The following SENP1 variants were observed in gnomAD, a reference collection of about 807,000 sequenced individuals.
SENP1 encodes the protein sentrin-specific protease 1.
In SENP1, 21 loss-of-function variants were observed where a neutral mutation model predicts 93.0. The ratio of observed to expected loss-of-function variants is 0.23; its 90% CI spans 0.16 to 0.33. The LOEUF (loss-of-function observed/expected upper bound fraction) is 0.33. SENP1 is among the 10% of genes least tolerant of loss of function. SENP1 has a pLI of 1.00. For missense variants in SENP1, 591 were observed against 758.7 expected, an observed-to-expected ratio of 0.78 and a Z score of 2.60; for synonymous variants, 256 against 259.6, an observed-to-expected ratio of 0.99 and a Z score of 0.13.
chr12:48,056,231 T>C (rs1189792222), intron 13 of SENP1, among the ~76,000 whole-genome samples: 1 of 117,370 alleles, frequency 8.5e-6, no homozygotes, highest in African/African-American at 3.5e-5. Flanking sequence ...AAATGTAGTA[T>C]ATATTTTACA....
rs776580997 is a variant in SENP1, at chr12:48,047,981, G to A, written c.1691+20C>T. ...CCTATACCCGATATCAAACTCTTCT[G>A]TCCTCAACTCCCTACTTACAAGAGT... On this transcript the variant is annotated intron_variant, in intron 15 of 17. Coordinates refer to ENST00000549518, the MANE Select transcript of SENP1 (RefSeq NM_001267594.2). 4 of 1,543,864 alleles carry A rather than the reference G, an allele frequency of 2.6e-6. No homozygotes were observed. In the Admixed American group the frequency reaches 6.7e-5, roughly 26 times the overall value.
chr12:48,077,743 C>T (rs1944202037), intron 6 of SENP1, among the ~76,000 whole-genome samples: 1 of 152,082 alleles, frequency 6.6e-6, no homozygotes, highest in Admixed American at 6.5e-5. Flanking sequence ...TCCCCCCACC[C>T]CACGACAGGC....
chr12:48,046,491 C>T lies in SENP1; in HGVS notation c.1777-40G>A, dbSNP rs757877331. On this transcript the variant is annotated intron_variant, in intron 16 of 17. Transcript: ENST00000549518. The stretch of plus-strand genomic sequence containing the variant: ...ACAAAAAAAATGACATCTTTCCAAG[C>T]TTCTTTCCTTCTTAGATTAAAAATA... 4.6e-6 allele frequency: 6 copies of T among 1,295,484 alleles called. No individual in the cohort carries two copies. In the Admixed American group the frequency reaches 6.8e-5, roughly 15 times the overall value. 80.2% of individuals were successfully genotyped at this position (1,295,484 alleles called of 1,614,324 possible). A position where few individuals can be genotyped will look rare whatever the true frequency, so the allele number is the denominator to read the frequency against.
At chr12:48,065,360 G>C in intron 11 of SENP1, 140 bp from the exon 12 acceptor site, 1 of 734,632 alleles carries the variant, frequency 1.4e-6, no homozygotes, top group Non-Finnish European at 2.2e-6. Context: ...TTTTTGTAAA[G>C]TCAAAAAATC....
chr12:48,091,212 G>A (rs1402614601), intron 4 of SENP1, among the ~76,000 whole-genome samples: 1 of 152,162 alleles, frequency 6.6e-6, no homozygotes, highest in Non-Finnish European at 1.5e-5. Flanking sequence ...CACTTTGGGA[G>A]GCGGAGGCAG....
chr12:48,063,756 C>A lies in SENP1; in HGVS notation c.1361G>T (p.Arg454Leu). The A allele has an allele frequency of 1.9e-6, 3 of 1,613,178 alleles. No individual in the cohort carries two copies. The highest frequency in any genetic ancestry group is 2.2e-5 in the East Asian group (1 of 44,846). The change falls in exon 13 of 18, where the codon CGC becomes CTC. Residue 454 changes from arginine to leucine, a missense_variant. By Grantham distance (102) the Arg-to-Leu change is moderately radical. Coordinates refer to ENST00000549518, the MANE Select transcript of SENP1 (RefSeq NM_001267594.2). The stretch of plus-strand genomic sequence containing the variant: ...ATGGTTTAGAGTTTGAATATCTTTG[C>A]GTGTAATGGTCAGGCGAAATGCTTC... ...LSEAFRLTIT[R>L]KDIQTLNHLN...
chr12:48,100,867 T>C (rs1224794952), intron 2 of SENP1, among the ~76,000 whole-genome samples: 1 of 152,216 alleles, frequency 6.6e-6, no homozygotes, highest in East Asian at 1.9e-4. Context: ...TGAACCAATA[T>C]ATTTTAAATA....
chr12:48,099,993 C>T (rs568446940), intron 2 of SENP1, among the ~76,000 whole-genome samples: 4 of 152,202 alleles, frequency 2.6e-5, no homozygotes, highest in African/African-American at 9.6e-5. Flanking sequence ...AATTCAACGA[C>T]TTACACTGCT....
chr12:48,082,540 G>A (rs754609288), intron 6 of SENP1, among the ~76,000 whole-genome samples: 6 of 151,356 alleles, frequency 4.0e-5, no homozygotes, highest in Non-Finnish European at 5.9e-5. Context: ...AATAATACAC[G>A]TGGAAAGTAC....
At chr12:48,065,711 T>C in intron 10 of SENP1, 31 bp from the exon 11 acceptor site, 1 of 1,324,498 alleles carries the variant, frequency 7.6e-7, no homozygotes, top group Non-Finnish European at 1.1e-6. Flanking sequence ...TGACCAAATG[T>C]AGACCACTCT....
At chr12:48,080,018 T>G (rs917529907) in intron 6 of SENP1, 2 of 152,222 alleles carry the variant, frequency 1.3e-5, no homozygotes, top group African/African-American at 4.8e-5. Context: ...CTCAATAATT[T>G]GCAAAGAAGC....
intron 5 of SENP1, among the ~76,000 whole-genome samples, chr12:48,086,733 G>T (rs867601001): frequency 1.3e-5 from 2 of 152,094 alleles, no homozygotes; most frequent in African/African-American, 4.8e-5. Context: ...GAAAAGTCAT[G>T]TCATTTAAAA....
At chr12:48,059,346 G>A (rs905193207) in intron 13 of SENP1, among the ~76,000 whole-genome samples, 2 of 151,658 alleles carry the variant, frequency 1.3e-5, no homozygotes, top group South Asian at 2.1e-4. Context: ...TCAAGTTTAC[G>A]AATTTTTTCT....
chr12:48,087,895 T>C (rs1318250890), intron 5 of SENP1, among the ~76,000 whole-genome samples: 2 of 152,174 alleles, frequency 1.3e-5, no homozygotes, highest in African/African-American at 4.8e-5. Flanking sequence ...AATACTATTT[T>C]AAAAAAGAAA....
intron 9 of SENP1, among the ~76,000 whole-genome samples, chr12:48,070,776 T>C (rs540330745): frequency 1.1e-4 from 16 of 152,282 alleles, no homozygotes; most frequent in South Asian, 2.1e-4. Context: ...ATCACTCTGA[T>C]TGCAGCATGG....
chr12:48,046,488 A>G, intron 16 of SENP1, 37 bp from the exon 17 acceptor site: 1 of 1,352,432 alleles, frequency 7.4e-7, no homozygotes, highest in Non-Finnish European at 1.1e-6. Context: ...ACATCTTTCC[A>G]AGCTTCTTTC....
At chr12:48,098,448 G>T (rs1180300110) in intron 2 of SENP1, among the ~76,000 whole-genome samples, 3 of 151,728 alleles carry the variant, frequency 2.0e-5, no homozygotes, top group East Asian at 3.9e-4. Context: ...TTCAAGACCA[G>T]CCTGGCCAAC....
At chr12:48,072,522 C>G (rs960198383) in intron 8 of SENP1, among the ~76,000 whole-genome samples, 4 of 152,140 alleles carry the variant, frequency 2.6e-5, no homozygotes, top group Admixed American at 6.5e-5. Flanking sequence ...GAGGCTGAGG[C>G]AGCAGAATCG....
chr12:48,051,766 C>T (rs747667943), intron 13 of SENP1, among the ~76,000 whole-genome samples: 2 of 152,196 alleles, frequency 1.3e-5, no homozygotes, highest in Non-Finnish European at 2.9e-5. Context: ...CAACTGTCCC[C>T]GACGCCAAGT....
Sources: gnomAD v4.1 joint callset for allele counts (sites outside exome capture counted in the v4.1 genomes callset) on GRCh38, gnomAD v4.1.1 for gene constraint, MANE v1.5 for transcripts, NCBI Gene and HGNC (gene_info 2026-07-23, HGNC 2026-07-21) for gene names.